The following IQSEC1 variants were observed in gnomAD, a reference collection of about 807,000 sequenced individuals.
IQSEC1 encodes the protein IQ motif and SEC7 domain-containing protein 1.
A neutral mutation model predicts 91.0 loss-of-function variants in IQSEC1; 31 were observed. The ratio of observed to expected loss-of-function variants is 0.34; its 90% confidence interval spans 0.26 to 0.46. The LOEUF is 0.46. Among genes scored for constraint, IQSEC1 ranks in the 20% least tolerant of loss-of-function variants. IQSEC1 has a pLI of 1.00. For missense variants in IQSEC1, 1,388 were observed against 1,575.6 expected, an observed-to-expected ratio of 0.88 and a Z score of 2.02; for synonymous variants, 699 against 662.6, an observed-to-expected ratio of 1.05 and a Z score of -0.84.
At position 13,282,534 on chromosome 3, in the gene IQSEC1, G is replaced by C. The variant is rs1186087421; in HGVS notation, c.272+177C>G. ...AGATCGAGCTCCGGATCTGGGCGGC[G>C]ACCCCGCCAGAGAATCCCAGGGAGC... On this transcript the variant is annotated intron_variant, in intron 1 of 15. Coordinates refer to the IQSEC1 transcript ENST00000648114. The surrounding 1 kb of genome is among the most constrained non-coding windows in gnomAD (Gnocchi z 6.4). Among the ~76,000 whole-genome samples, 2 of 151,728 alleles carry C rather than the reference G, an allele frequency of 1.3e-5. No individual in the cohort carries two copies. The highest frequency in any genetic ancestry group is 4.8e-5 in the African/African-American group (2 of 41,344).
At position 13,073,160 on chromosome 3, in the gene IQSEC1, GCTCCTCCA is replaced by G; in HGVS notation, c.-154_-147del. 1.2e-5 allele frequency: 11 copies of G among 909,704 alleles called. No individual in the cohort carries two copies. The highest frequency in any genetic ancestry group is 1.5e-5 in the Non-Finnish European group (9 of 591,702). 56.4% of individuals were successfully genotyped at this position (909,704 alleles called of 1,614,324 possible). A position where few individuals can be genotyped will look rare whatever the true frequency, so the allele number is the denominator to read the frequency against. Reference sequence around the variant, plus strand: ...CGAGTCACATTCCCGGGGGTGGCGGGCTCCTCCAGGGAGGCTGGGGCGGGAGCGGGGGG... The same window carrying G: ...CGAGTCACATTCCCGGGGGTGGCGGGGGGAGGCTGGGGCGGGAGCGGGGGG... On this transcript the variant is annotated 5_prime_UTR_variant, in exon 1 of 14. Coordinates refer to ENST00000613206, the MANE Select transcript of IQSEC1 (RefSeq NM_001134382.3).
intron 2 of IQSEC1, among the ~76,000 whole-genome samples, chr3:13,106,631 G>A (rs1706157255): frequency 6.6e-6 from 1 of 152,202 alleles, no homozygotes; most frequent in Admixed American, 6.5e-5. Context: ...CCTCTCCACA[G>A]AACAAGGCTG....
intron 2 of IQSEC1, among the ~76,000 whole-genome samples, chr3:13,115,569 T>C (rs1205806218): frequency 1.3e-5 from 2 of 152,178 alleles, no homozygotes; most frequent in African/African-American, 4.8e-5. Context: ...TCCTCACTAG[T>C]AGAGCAGGAA....
At chr3:13,126,913 A>AT (rs1461949960) in intron 2 of IQSEC1, among the ~76,000 whole-genome samples, 1 of 152,098 alleles carries the variant, frequency 6.6e-6, no homozygotes, top group Admixed American at 6.5e-5. Context: ...GGTCCTAAAG[A>AT]TTTTCTATTT....
chr3:13,165,596 T>G (rs928029630), intron 1 of IQSEC1, among the ~76,000 whole-genome samples: 1 of 113,998 alleles, frequency 8.8e-6, no homozygotes, highest in African/African-American at 3.3e-5. Context: ...CTGTCTTCAC[T>G]TCATCGCCAT....
chr3:13,122,677 A>G (rs936045121), intron 2 of IQSEC1, among the ~76,000 whole-genome samples: 5 of 152,064 alleles, frequency 3.3e-5, no homozygotes, highest in African/African-American at 4.8e-5. Flanking sequence ...CCGGGAAGGG[A>G]CACATCCCAC....
intron 1 of IQSEC1, among the ~76,000 whole-genome samples, chr3:12,956,514 A>T (rs1423267427): frequency 6.6e-6 from 1 of 152,192 alleles, no homozygotes; most frequent in Non-Finnish European, 1.5e-5. Context: ...CATGGTCATC[A>T]TAACCACCAA....
chr3:12,901,736 T>TG (rs1444011011), intron 13 of IQSEC1, among the ~76,000 whole-genome samples: 3 of 151,670 alleles, frequency 2.0e-5, no homozygotes, highest in Non-Finnish European at 2.9e-5. Context: ...TTGACCAAAG[T>TG]GGGGAGTGAG....
intron 9 of IQSEC1, 67 bp from the exon 10 acceptor site, chr3:12,911,795 G>A: frequency 9.2e-7 from 1 of 1,083,402 alleles, no homozygotes; most frequent in Non-Finnish European, 1.4e-6. Flanking sequence ...TGGGACCTCT[G>A]GTCAGAGGAT....
chr3:13,277,944 G>A (rs1695721389), intron 1 of IQSEC1, among the ~76,000 whole-genome samples: 1 of 152,110 alleles, frequency 6.6e-6, no homozygotes, highest in Non-Finnish European at 1.5e-5. Flanking sequence ...GGGGCTCCCG[G>A]CAGGACCCTC....
At chr3:13,238,537 T>A in intron 1 of IQSEC1, among the ~76,000 whole-genome samples, 1 of 152,212 alleles carries the variant, frequency 6.6e-6, no homozygotes, top group East Asian at 1.9e-4. Context: ...GGTTTTGTCA[T>A]CCATCCTTCC....
chr3:13,037,330 C>T (rs1321120518), intron 1 of IQSEC1, among the ~76,000 whole-genome samples: 1 of 152,174 alleles, frequency 6.6e-6, no homozygotes, highest in East Asian at 1.9e-4. Flanking sequence ...CACAAGGAGG[C>T]AGGGGCAAGG....
intron 5 of IQSEC1, 25 bp from the exon 6 acceptor site, chr3:12,920,621 A>G (rs769402107): frequency 2.4e-5 from 38 of 1,612,042 alleles, no homozygotes; most frequent in Admixed American, 6.7e-5. Context: ...GGAGGGGGTC[A>G]GGGCCATGGC....
At chr3:13,244,742 G>T (rs1695079928) in intron 1 of IQSEC1, among the ~76,000 whole-genome samples, 1 of 152,186 alleles carries the variant, frequency 6.6e-6, no homozygotes, top group Non-Finnish European at 1.5e-5. Flanking sequence ...GGAGTGGGCA[G>T]AAGACTTTGG....
intron 1 of IQSEC1, among the ~76,000 whole-genome samples, chr3:13,167,035 G>A (rs1693510480): frequency 6.6e-6 from 1 of 152,214 alleles, no homozygotes; most frequent in Admixed American, 6.5e-5. Context: ...GCAAACATGT[G>A]TGCATGTGTG....
At chr3:13,229,374 A>T (rs1694806742) in intron 1 of IQSEC1, among the ~76,000 whole-genome samples, 1 of 152,188 alleles carries the variant, frequency 6.6e-6, no homozygotes, top group African/African-American at 2.4e-5. Context: ...CTGAGTGTAC[A>T]GGGGTCCAGG....
chr3:13,250,830 T>C (rs1695182776), intron 1 of IQSEC1, among the ~76,000 whole-genome samples: 1 of 151,620 alleles, frequency 6.6e-6, no homozygotes, highest in Non-Finnish European at 1.5e-5. Flanking sequence ...ACCCCTCTGG[T>C]CCCGCCACTG....
chr3:13,154,442 T>TATACATAC (rs1559265474), intron 2 of IQSEC1, among the ~76,000 whole-genome samples: 3 of 82,094 alleles, frequency 3.7e-5, no homozygotes, highest in African/African-American at 1.4e-4. Context: ...TACATGCATA[T>TATACATAC]ATATATATAT....
chr3:13,143,184 C>T (rs978513162), intron 2 of IQSEC1, among the ~76,000 whole-genome samples: 2 of 152,180 alleles, frequency 1.3e-5, no homozygotes, highest in African/African-American at 4.8e-5. Flanking sequence ...TGGATCACAC[C>T]TAATGACAGG....
Sources: allele counts gnomAD v4.1 joint callset (sites outside exome capture counted in the v4.1 genomes callset), GRCh38; gene constraint gnomAD v4.1.1; non-coding constraint Gnocchi (gnomAD v3.1); transcripts MANE v1.5; gene names NCBI Gene and HGNC (gene_info 2026-07-23, HGNC 2026-07-21).